DOK6: variants seen among roughly 807,000 people sequenced by gnomAD.
DOK6 encodes the protein docking protein 6, also known as downstream of tyrosine kinase 6.
In DOK6, 22 loss-of-function variants were observed where a neutral mutation model predicts 44.0. That is an observed-to-expected ratio of 0.50 (90% CI 0.36 to 0.71). DOK6 has a LOEUF of 0.71. Ranked by LOEUF, DOK6 falls within the 30% of genes least tolerant of loss-of-function variation. The pLI, the probability that DOK6 is intolerant of heterozygous loss-of-function variation, is 0.00. For synonymous variants in DOK6, 166 were observed against 145.5 expected (o/e 1.14, Z -1.01); for missense variants, 340 against 416.4 (o/e 0.82, Z 1.60).
intron 3 of DOK6, among the ~76,000 whole-genome samples, chr18:69,642,241 T>C (rs896872936): frequency 6.6e-6 from 1 of 152,222 alleles, no homozygotes; most frequent in African/African-American, 2.4e-5. Context: ...TGCAATACCA[T>C]GATCACAACC....
chr18:69,738,184 T>C (rs1412432828), intron 5 of DOK6, among the ~76,000 whole-genome samples: 2 of 152,214 alleles, frequency 1.3e-5, no homozygotes, highest in Admixed American at 6.5e-5. Flanking sequence ...TAGAGAAGAA[T>C]CTAAAATCTT....
chr18:69,524,238 A>G (rs1266661735), intron 1 of DOK6, among the ~76,000 whole-genome samples: 2 of 152,064 alleles, frequency 1.3e-5, no homozygotes, highest in Non-Finnish European at 2.9e-5. Context: ...TACATGGTGA[A>G]TTAATCATTG....
intron 1 of DOK6, among the ~76,000 whole-genome samples, chr18:69,405,050 T>C (rs772889586): frequency 6.6e-6 from 1 of 152,228 alleles, no homozygotes; most frequent in Admixed American, 6.5e-5. Context: ...TTGCGAGTTT[T>C]GAAGAGCACT....
intron 1 of DOK6, among the ~76,000 whole-genome samples, chr18:69,447,437 A>G (rs948295282): frequency 7.2e-5 from 11 of 152,162 alleles, no homozygotes; most frequent in African/African-American, 2.4e-4. Context: ...TACCAGTACC[A>G]TGCTGTTTTG....
chr18:69,838,543 T>A (rs1281665427), intron 7 of DOK6, among the ~76,000 whole-genome samples: 1 of 152,142 alleles, frequency 6.6e-6, no homozygotes. Context: ...TGGCAGCACT[T>A]AGCATGGATT....
intron 3 of DOK6, among the ~76,000 whole-genome samples, chr18:69,632,806 G>C (rs7505824): frequency 0.43 from 65,830 of 152,154 alleles, 16,296 homozygotes; most frequent in Non-Finnish European, 0.55. Flanking sequence ...TTTGGAGCAA[G>C]ACAAAATAAG....
intron 1 of DOK6, among the ~76,000 whole-genome samples, chr18:69,555,053 C>T (rs1266058069): frequency 1.3e-5 from 2 of 152,124 alleles, no homozygotes; most frequent in African/African-American, 4.8e-5. Flanking sequence ...CAAGTATCTT[C>T]TAATCAATTC....
chr18:69,615,668 C>A (rs1984266995), intron 3 of DOK6, among the ~76,000 whole-genome samples: 1 of 152,138 alleles, frequency 6.6e-6, no homozygotes, highest in Admixed American at 6.5e-5. Context: ...AATACCAAAC[C>A]TTAAGCTGCA....
At chr18:69,445,591 A>G (rs1424584890) in intron 1 of DOK6, among the ~76,000 whole-genome samples, 1 of 152,094 alleles carries the variant, frequency 6.6e-6, no homozygotes, top group African/African-American at 2.4e-5. Flanking sequence ...CTATTGTGGC[A>G]TATTACTTTA....
intron 7 of DOK6, among the ~76,000 whole-genome samples, chr18:69,780,225 C>G (rs7237952): frequency 0.21 from 32,300 of 152,086 alleles, 3,676 homozygotes; most frequent in East Asian, 0.29. Flanking sequence ...TGAAAAGGCT[C>G]TTTCCAGCAT....
Position 69,547,804 on chromosome 18 carries a change from T to C in DOK6, c.67-16683T>C, listed in dbSNP as rs934883083. On this transcript the variant is annotated intron_variant, in intron 1 of 7. Coordinates refer to ENST00000382713, the MANE Select transcript of DOK6 (RefSeq NM_152721.6). ...CACATAGAAGTGAGAATGTGCAATA[T>C]TTGTCTTTCTGTTCCTGGCTTATTT... Among the ~76,000 whole-genome samples, 7 of 150,764 alleles carry C rather than the reference T, an allele frequency of 4.6e-5. 1 individual carries two copies. Among genetic ancestry groups the C allele is most frequent in the Non-Finnish European group, 1.5e-5 (1 of 67,570 alleles).
chr18:69,750,214 A>G (rs990043176), intron 6 of DOK6, among the ~76,000 whole-genome samples: 3 of 151,940 alleles, frequency 2.0e-5, no homozygotes, highest in Non-Finnish European at 4.4e-5. Context: ...CACAGAAGAG[A>G]TTCTTATTCA....
At chr18:69,408,084 G>A (rs1978292231) in intron 1 of DOK6, among the ~76,000 whole-genome samples, 1 of 152,144 alleles carries the variant, frequency 6.6e-6, no homozygotes. Flanking sequence ...TGGAGTTATT[G>A]AGACACAGCT....
intron 6 of DOK6, among the ~76,000 whole-genome samples, chr18:69,745,666 G>C (rs1978962025): frequency 6.6e-6 from 1 of 152,184 alleles, no homozygotes; most frequent in Non-Finnish European, 1.5e-5. Context: ...CTACAACAGA[G>C]CTATGTGACC....
At chr18:69,496,028 G>A (rs1364107940) in intron 1 of DOK6, among the ~76,000 whole-genome samples, 1 of 152,212 alleles carries the variant, frequency 6.6e-6, no homozygotes, top group Non-Finnish European at 1.5e-5. Flanking sequence ...TGACTCTGCA[G>A]GGCATTGTGG....
At chr18:69,661,989 T>G (rs960855736) in intron 3 of DOK6, 1 of 152,158 alleles carries the variant, frequency 6.6e-6, no homozygotes, top group Non-Finnish European at 1.5e-5. Context: ...ATTTCTCACC[T>G]TGGTTCTTCT....
intron 5 of DOK6, among the ~76,000 whole-genome samples, chr18:69,719,917 C>A (rs1986968238): frequency 6.6e-6 from 1 of 152,186 alleles, no homozygotes. Context: ...ACCAACACAA[C>A]AGGCATTGAA....
chr18:69,497,998 G>GA (rs111915498), intron 1 of DOK6, among the ~76,000 whole-genome samples: 67,809 of 149,866 alleles, frequency 0.45, 15,622 homozygotes, highest in African/African-American at 0.49. Flanking sequence ...TCCAAAAAAA[G>GA]AAAAAAAAAG....
intron 7 of DOK6, among the ~76,000 whole-genome samples, chr18:69,798,274 T>C (rs1416734931): frequency 6.6e-6 from 1 of 152,190 alleles, no homozygotes; most frequent in Non-Finnish European, 1.5e-5. Context: ...ACAATAGTTA[T>C]TTTGGAGGGA....
Sources: allele counts gnomAD v4.1 joint callset (sites outside exome capture counted in the v4.1 genomes callset), GRCh38; gene constraint gnomAD v4.1.1; transcripts MANE v1.5; gene names NCBI Gene and HGNC (gene_info 2026-07-23, HGNC 2026-07-21).